The following NTRK2 variants were observed in gnomAD, a reference collection of about 807,000 sequenced individuals.
NTRK2 encodes neurotrophic receptor tyrosine kinase 2.
Under a neutral mutation model 94.5 loss-of-function variants are expected in NTRK2, and 13 were observed. The observed-to-expected ratio is 0.14, with a 90% confidence interval of 0.09 to 0.22. The LOEUF (loss-of-function observed/expected upper bound fraction) is 0.22. NTRK2 is among the 10% of genes least tolerant of loss of function. The pLI is 1.00. For synonymous variants in NTRK2, 372 were observed against 407.4 expected, an observed-to-expected ratio of 0.91 and a Z score of 1.05; for missense variants, 639 against 1,071.2, an observed-to-expected ratio of 0.60 and a Z score of 5.63.
At chr9:84,873,789 G>A (rs2132131611) in intron 14 of NTRK2, 5 of 1,056,922 alleles carry the variant, frequency 4.7e-6, no homozygotes, top group Non-Finnish European at 5.7e-6. Context: ...GTTATCAAAA[G>A]AGAAATATCA....
At position 85,023,769 on chromosome 9, in the gene NTRK2, T is replaced by A. The variant is rs1380213747; in HGVS notation, c.*2332T>A. 4.3e-6 allele frequency: 1 copy of A among 230,694 alleles called. No individual in the cohort carries two copies. The highest frequency in any genetic ancestry group is 8.6e-6 in the Non-Finnish European group (1 of 116,682). 14.3% of individuals were successfully genotyped at this position (230,694 alleles called of 1,614,324 possible). A position where few individuals can be genotyped will look rare whatever the true frequency, so the allele number is the denominator to read the frequency against. On this transcript the variant is annotated 3_prime_UTR_variant, in exon 19 of 19. Coordinates refer to ENST00000277120, the MANE Select transcript of NTRK2 (RefSeq NM_006180.6). ...GGAAGGGGCAGATTTGTACAAAAAC[T>A]TTTCTAGATTCCATCAGCAAAAACC...
intron 12 of NTRK2, among the ~76,000 whole-genome samples, chr9:84,759,610 A>G (rs901691222): frequency 1.3e-5 from 2 of 152,222 alleles, no homozygotes; most frequent in African/African-American, 2.4e-5. Context: ...AAGGTCAGGA[A>G]ATATTGTTAC....
chr9:84,999,464 CT>C (rs1830108171), intron 17 of NTRK2, among the ~76,000 whole-genome samples: 1 of 152,184 alleles, frequency 6.6e-6, no homozygotes, highest in Non-Finnish European at 1.5e-5. Flanking sequence ...ATATTTCACA[CT>C]AATATTTAAT....
intron 12 of NTRK2, among the ~76,000 whole-genome samples, chr9:84,762,547 T>C (rs995096877): frequency 1.3e-5 from 2 of 152,216 alleles, no homozygotes; most frequent in African/African-American, 4.8e-5. Flanking sequence ...GCATATTATG[T>C]AATCGTTTAT....
intron 6 of NTRK2, among the ~76,000 whole-genome samples, chr9:84,718,314 A>C: frequency 6.6e-6 from 1 of 152,168 alleles, no homozygotes; most frequent in South Asian, 2.1e-4. Flanking sequence ...CTTAAGCCCC[A>C]ACTCAGACAT....
chr9:84,875,830 C>T, intron 14 of NTRK2: 1 of 1,044,682 alleles, frequency 9.6e-7, no homozygotes, highest in Non-Finnish European at 1.2e-6. Context: ...AAGGAGGCCT[C>T]TATCAATAGT....
intron 12 of NTRK2, among the ~76,000 whole-genome samples, chr9:84,790,084 T>C (rs1178574608): frequency 6.6e-6 from 1 of 152,200 alleles, no homozygotes; most frequent in Non-Finnish European, 1.5e-5. Context: ...ACGGACATCC[T>C]CCTCAGTGCA....
At chr9:84,822,810 A>C (rs1000530694) in intron 12 of NTRK2, among the ~76,000 whole-genome samples, 2 of 152,194 alleles carry the variant, frequency 1.3e-5, no homozygotes, top group African/African-American at 4.8e-5. Flanking sequence ...AAATGAGGCG[A>C]TAAATTCCTG....
chr9:84,754,732 G>A (rs1327885955), intron 12 of NTRK2, among the ~76,000 whole-genome samples: 1 of 152,182 alleles, frequency 6.6e-6, no homozygotes, highest in African/African-American at 2.4e-5. Context: ...GAGCTGTTCA[G>A]AATGTTATTC....
intron 12 of NTRK2, chr9:84,811,931 T>A: frequency 1.2e-6 from 1 of 813,512 alleles, no homozygotes. Flanking sequence ...CCCACCCTGT[T>A]CCTTTTTTAT....
chr9:84,755,902 T>G (rs1174460697), intron 12 of NTRK2, among the ~76,000 whole-genome samples: 1 of 152,150 alleles, frequency 6.6e-6, no homozygotes, highest in Non-Finnish European at 1.5e-5. Flanking sequence ...TCCATAAAGA[T>G]GTCAAGGGGT....
chr9:84,864,911 T>G (rs571700815), intron 13 of NTRK2, among the ~76,000 whole-genome samples: 1 of 151,918 alleles, frequency 6.6e-6, no homozygotes, highest in East Asian at 1.9e-4. Context: ...TGGCTAATTT[T>G]TGGACTTCTA....
chr9:84,704,651 C>A (rs2060936057), intron 4 of NTRK2, among the ~76,000 whole-genome samples: 1 of 152,062 alleles, frequency 6.6e-6, no homozygotes, highest in Non-Finnish European at 1.5e-5. Flanking sequence ...TCTGAAGAAG[C>A]AATTGTTGGG....
chr9:84,714,265 C>T (rs1046837779), intron 6 of NTRK2, among the ~76,000 whole-genome samples: 2 of 152,124 alleles, frequency 1.3e-5, no homozygotes, highest in Non-Finnish European at 2.9e-5. Context: ...GGGTTTGCTA[C>T]ATCAGCAGGG....
intron 4 of NTRK2, among the ~76,000 whole-genome samples, chr9:84,705,468 T>C (rs1020716554): frequency 1.3e-5 from 2 of 152,194 alleles, no homozygotes; most frequent in Non-Finnish European, 2.9e-5. Context: ...ATAATAAGTA[T>C]GGCTCATAAA....
chr9:84,776,837 G>A (rs2067096451), intron 12 of NTRK2, among the ~76,000 whole-genome samples: 2 of 152,260 alleles, frequency 1.3e-5, no homozygotes, highest in South Asian at 4.1e-4. Context: ...CAGTAATTAT[G>A]CCTGCTCTTT....
intron 9 of NTRK2, among the ~76,000 whole-genome samples, chr9:84,732,895 C>T (rs1325543852): frequency 6.6e-6 from 1 of 152,130 alleles, no homozygotes; most frequent in Non-Finnish European, 1.5e-5. Context: ...TGCCTCTGCT[C>T]CAGCTGGCAC....
At chr9:84,755,206 G>A (rs1320086736) in intron 12 of NTRK2, among the ~76,000 whole-genome samples, 3 of 152,166 alleles carry the variant, frequency 2.0e-5, no homozygotes, top group South Asian at 2.1e-4. Context: ...TGTAAGCTTC[G>A]TCGGGTTTTG....
At chr9:84,922,468 A>C (rs572117787) in intron 14 of NTRK2, among the ~76,000 whole-genome samples, 16 of 152,232 alleles carry the variant, frequency 1.1e-4, no homozygotes. Flanking sequence ...TACTTATCTC[A>C]TCTCTCTGTT....
Sources: allele counts gnomAD v4.1 joint callset (sites outside exome capture counted in the v4.1 genomes callset), GRCh38; gene constraint gnomAD v4.1.1; transcripts MANE v1.5; gene names NCBI Gene and HGNC (gene_info 2026-07-23, HGNC 2026-07-21).